The following NALF1 variants were observed in gnomAD, a reference collection of about 807,000 sequenced individuals.
NALF1 encodes the protein family with sequence similarity 155 member A.
Under a neutral mutation model 48.4 loss-of-function variants are expected in NALF1, and 3 were observed. The observed-to-expected ratio is 0.06, with a 90% CI of 0.03 to 0.16. The LOEUF is 0.16. Ranked by LOEUF, NALF1 falls within the 10% of genes least tolerant of loss-of-function variation. The pLI is 1.00. For synonymous variants in NALF1, 262 were observed against 245.7 expected, an observed-to-expected ratio of 1.07 and a Z score of -0.62; for missense variants, 526 against 571.5, an observed-to-expected ratio of 0.92 and a Z score of 0.81.
chr13:107,452,233 G>C (rs1320793860), intron 1 of NALF1, among the ~76,000 whole-genome samples: 1 of 152,120 alleles, frequency 6.6e-6, no homozygotes, highest in African/African-American at 2.4e-5. Flanking sequence ...GTGATCCATA[G>C]GCACATGGCC....
At chr13:107,756,916 G>A (rs1877117328) in intron 1 of NALF1, among the ~76,000 whole-genome samples, 1 of 152,126 alleles carries the variant, frequency 6.6e-6, no homozygotes. Flanking sequence ...GGATTCATGG[G>A]TGCATTATTG....
intron 1 of NALF1, among the ~76,000 whole-genome samples, chr13:107,438,132 T>G (rs1884492872): frequency 6.6e-6 from 1 of 152,226 alleles, no homozygotes; most frequent in Non-Finnish European, 1.5e-5. Context: ...ATGTACACCT[T>G]ATATTGCATG....
At chr13:107,580,704 T>A (rs1566402006) in intron 1 of NALF1, among the ~76,000 whole-genome samples, 1 of 152,222 alleles carries the variant, frequency 6.6e-6, no homozygotes, top group Non-Finnish European at 1.5e-5. Flanking sequence ...AAATTAATCA[T>A]ATATTCTTTC....
At chr13:107,209,431 C>A (rs764732460) in intron 2 of NALF1, among the ~76,000 whole-genome samples, 1 of 150,964 alleles carries the variant, frequency 6.6e-6, no homozygotes, top group African/African-American at 2.4e-5. Flanking sequence ...CACTTGAACC[C>A]CGGAGGCGGA....
At chr13:107,496,105 T>C (rs1156790215) in intron 1 of NALF1, among the ~76,000 whole-genome samples, 1 of 152,224 alleles carries the variant, frequency 6.6e-6, no homozygotes, top group Non-Finnish European at 1.5e-5. Flanking sequence ...TAAACTGTTC[T>C]TTCTCAATTT....
intron 1 of NALF1, among the ~76,000 whole-genome samples, chr13:107,714,787 A>C (rs1394431625): frequency 6.6e-6 from 1 of 152,116 alleles, no homozygotes; most frequent in Non-Finnish European, 1.5e-5. Flanking sequence ...ATTCTAAAAA[A>C]TTAGGTGCCG....
At chr13:107,613,009 A>AAG (rs1566415149) in intron 1 of NALF1, among the ~76,000 whole-genome samples, 1 of 151,374 alleles carries the variant, frequency 6.6e-6, no homozygotes, top group East Asian at 2.0e-4. Context: ...TGAGAAAAAA[A>AAG]AAAAAGAAAA....
chr13:107,587,732 G>A (rs1878498163), intron 1 of NALF1, among the ~76,000 whole-genome samples: 1 of 152,176 alleles, frequency 6.6e-6, no homozygotes. Flanking sequence ...TGAGAGGCAT[G>A]TGATCTGAAT....
At chr13:107,782,599 G>A (rs1204745818) in intron 1 of NALF1, among the ~76,000 whole-genome samples, 1 of 151,350 alleles carries the variant, frequency 6.6e-6, no homozygotes, top group African/African-American at 2.4e-5. Context: ...ATCCCATCTA[G>A]GAAGTGAGGA....
chr13:107,291,288 T>G (rs917454597), intron 1 of NALF1, among the ~76,000 whole-genome samples: 6 of 152,140 alleles, frequency 3.9e-5, no homozygotes, highest in Non-Finnish European at 7.3e-5. Flanking sequence ...GTTTAGGTGC[T>G]AAGCATAACA....
chr13:107,440,507 T>G (rs893384865), intron 1 of NALF1, among the ~76,000 whole-genome samples: 1 of 152,192 alleles, frequency 6.6e-6, no homozygotes, highest in Non-Finnish European at 1.5e-5. Flanking sequence ...GCAGAAGACA[T>G]TTTTTAAAGT....
intron 1 of NALF1, among the ~76,000 whole-genome samples, chr13:107,721,529 C>T (rs1250153413): frequency 1.3e-5 from 2 of 152,192 alleles, no homozygotes; most frequent in African/African-American, 2.4e-5. Flanking sequence ...GCTCTCTCCA[C>T]GGTGTAGTGC....
chr13:107,555,610 G>A (rs2138388516), intron 1 of NALF1, among the ~76,000 whole-genome samples: 1 of 151,832 alleles, frequency 6.6e-6, no homozygotes, highest in South Asian at 2.1e-4. Context: ...TTTGATTTTA[G>A]TAACAAATTT....
At chr13:107,538,517 G>A (rs554539304) in intron 1 of NALF1, among the ~76,000 whole-genome samples, 3 of 152,134 alleles carry the variant, frequency 2.0e-5, no homozygotes, top group Non-Finnish European at 4.4e-5. Flanking sequence ...GACCTACATG[G>A]AGTTCTAATC....
At chr13:107,730,333 T>C (rs536841732) in intron 1 of NALF1, among the ~76,000 whole-genome samples, 1 of 152,228 alleles carries the variant, frequency 6.6e-6, no homozygotes, top group South Asian at 2.1e-4. Flanking sequence ...TCTAACAACC[T>C]AGTCTTATCC....
At chr13:107,797,183 C>T (rs765787794) in intron 1 of NALF1, among the ~76,000 whole-genome samples, 34 of 151,612 alleles carry the variant, frequency 2.2e-4, no homozygotes, top group Non-Finnish European at 3.8e-4. Context: ...CATTTCTATT[C>T]CTCATCACCT....
chr13:107,433,596 AG>A lies in NALF1; in HGVS notation c.916-222842del, dbSNP rs766013807. On this transcript the variant is annotated intron_variant, in intron 1 of 2. Transcript: ENST00000375915. ...GTAATAATAATAAAATAATAAAAAA[AG>A]AAAGATAATATATGTGCAATAAAAT... Among the ~76,000 whole-genome samples the A allele has an allele frequency of 5.1e-4, 77 of 152,194 alleles. 1 individual carries two copies. The highest frequency in any genetic ancestry group is 6.8e-3 in the Middle Eastern group (2 of 294).
chr13:107,371,962 A>G (rs9583169), intron 1 of NALF1, among the ~76,000 whole-genome samples: 2,118 of 152,286 alleles, frequency 0.014, 46 homozygotes, highest in African/African-American at 0.048. Context: ...ACAATAAGAG[A>G]GTAAGAAGGC....
intron 1 of NALF1, among the ~76,000 whole-genome samples, chr13:107,854,266 T>C (rs982516260): frequency 6.6e-6 from 1 of 152,376 alleles, no homozygotes. Context: ...CCTGCCATAC[T>C]TGGCCAAACC....
Sources: allele counts gnomAD v4.1 joint callset (sites outside exome capture counted in the v4.1 genomes callset), GRCh38; gene constraint gnomAD v4.1.1; transcripts MANE v1.5; gene names NCBI Gene and HGNC (gene_info 2026-07-23, HGNC 2026-07-21).